Variants in MTHFD2L observed in about 807,000 individuals in gnomAD.
MTHFD2L encodes the protein bifunctional methylenetetrahydrofolate dehydrogenase/cyclohydrolase 2, mitochondrial.
In MTHFD2L, 29 loss-of-function variants were observed where a neutral mutation model predicts 34.9. That is an observed-to-expected ratio of 0.83 (90% CI 0.62 to 1.13). The LOEUF (loss-of-function observed/expected upper bound fraction) is 1.13. MTHFD2L is among the 50% of genes most tolerant of loss of function. MTHFD2L has a pLI of 0.00. For synonymous variants in MTHFD2L, 167 were observed against 155.7 expected, an observed-to-expected ratio of 1.07 and a Z score of -0.54; for missense variants, 481 against 446.5, an observed-to-expected ratio of 1.08 and a Z score of -0.70.
chr4:74,126,346 TCGG>T (rs1722070656), intron 1 of MTHFD2L, among the ~76,000 whole-genome samples: 1 of 152,096 alleles, frequency 6.6e-6, no homozygotes, highest in Non-Finnish European at 1.5e-5. Flanking sequence ...TATATACATT[TCGG>T]AAAGATTAAT....
At chr4:74,124,274 G>GT (rs990172552), upstream of MTHFD2L, among the ~76,000 whole-genome samples, 16 of 150,002 alleles carry the variant, frequency 1.1e-4, no homozygotes, top group African/African-American at 1.5e-4. Flanking sequence ...AGCATTAAAA[G>GT]TTTTTTTTTA....
chr4:74,210,992 T>C (rs144782356), intron 5 of MTHFD2L, among the ~76,000 whole-genome samples: 5,491 of 152,232 alleles, frequency 0.036, 263 homozygotes, highest in African/African-American at 0.11. Flanking sequence ...TTTTCTGTTA[T>C]TGGTGTATAG....
chr4:74,211,011 G>A (rs1184044577), intron 5 of MTHFD2L, among the ~76,000 whole-genome samples: 2 of 152,158 alleles, frequency 1.3e-5, no homozygotes, highest in South Asian at 2.1e-4. Context: ...AGGAATGCTT[G>A]TTATTTTTAC....
intron 5 of MTHFD2L, among the ~76,000 whole-genome samples, chr4:74,213,287 T>G (rs1736657260): frequency 6.6e-6 from 1 of 152,228 alleles, no homozygotes; most frequent in Admixed American, 6.5e-5. Context: ...AGTTTCTTCA[T>G]AGTTTCCATG....
At chr4:74,123,677 TTC>T (rs1721875422), upstream of MTHFD2L, among the ~76,000 whole-genome samples, 1 of 152,146 alleles carries the variant, frequency 6.6e-6, no homozygotes, top group South Asian at 2.1e-4. Flanking sequence ...TCAACATTTT[TTC>T]TGTTTTAGGT....
chr4:74,150,620 A>G (rs769944507), intron 1 of MTHFD2L, among the ~76,000 whole-genome samples: 2 of 152,214 alleles, frequency 1.3e-5, no homozygotes, highest in Non-Finnish European at 2.9e-5. Flanking sequence ...AAGCCAATGC[A>G]TATATATTAT....
At chr4:74,130,316 A>T (rs1722389199) in intron 1 of MTHFD2L, among the ~76,000 whole-genome samples, 1 of 152,186 alleles carries the variant, frequency 6.6e-6, no homozygotes, top group Non-Finnish European at 1.5e-5. Flanking sequence ...ATCCCTGATG[A>T]ACATTGATGC....
chr4:74,261,615 A>G (rs1744691188), intron 6 of MTHFD2L, among the ~76,000 whole-genome samples: 1 of 152,122 alleles, frequency 6.6e-6, no homozygotes, highest in Middle Eastern at 3.2e-3. Flanking sequence ...TTTATTCCAC[A>G]AAAGCATTAT....
intron 1 of MTHFD2L, among the ~76,000 whole-genome samples, chr4:74,166,704 C>G (rs979765616): frequency 1.3e-5 from 2 of 152,178 alleles, no homozygotes; most frequent in African/African-American, 2.4e-5. Context: ...GACCCAGGCT[C>G]TAGGCCTGCA....
chr4:74,133,422 C>T (rs1414234849), intron 1 of MTHFD2L, among the ~76,000 whole-genome samples: 31 of 152,168 alleles, frequency 2.0e-4, no homozygotes, highest in Admixed American at 2.0e-3. Context: ...TCTTGCTCAG[C>T]TCCCCCTTAA....
chr4:74,263,472 T>C (rs1744925182), intron 6 of MTHFD2L, among the ~76,000 whole-genome samples: 1 of 152,090 alleles, frequency 6.6e-6, no homozygotes, highest in East Asian at 1.9e-4. Context: ...GGAATGTTTT[T>C]CCATTTTTTT....
intron 5 of MTHFD2L, among the ~76,000 whole-genome samples, chr4:74,207,499 G>A (rs1324418570): frequency 6.6e-6 from 1 of 152,112 alleles, no homozygotes; most frequent in Non-Finnish European, 1.5e-5. Flanking sequence ...GGATACTACT[G>A]CATCCCACAG....
At chr4:74,294,358 A>C (rs1003620529) in intron 7 of MTHFD2L, among the ~76,000 whole-genome samples, 1 of 152,124 alleles carries the variant, frequency 6.6e-6, no homozygotes, top group Admixed American at 6.6e-5. Context: ...ATTCCAACAA[A>C]GTATCTTAAA....
intron 6 of MTHFD2L, among the ~76,000 whole-genome samples, chr4:74,233,885 A>C (rs1740459761): frequency 6.6e-6 from 1 of 151,950 alleles, no homozygotes; most frequent in Non-Finnish European, 1.5e-5. Flanking sequence ...TGGTATTAGT[A>C]CATGGTTAGC....
In MTHFD2L at chr4:74,245,169, C is replaced by T. The variant is rs1181112849; in HGVS notation, c.805+19775C>T. On this transcript the variant is annotated intron_variant, in intron 6 of 7. Transcript: ENST00000325278. Reference sequence around the variant, plus strand: ...GAGATCGCGCCACTGCACTTTAGCCCGGGCAACAGAGTGAGACTCAGTCTC... The same window carrying T: ...GAGATCGCGCCACTGCACTTTAGCCTGGGCAACAGAGTGAGACTCAGTCTC... 5.0e-5 allele frequency among the ~76,000 whole-genome samples: 7 copies of T among 139,012 alleles called. No homozygotes were observed. The East Asian group carries it at 1.0e-3, about 20-fold the overall frequency. The allele number at this position is 139,012 out of a possible 152,430, so 91.2% of individuals were successfully genotyped here. A position where few individuals can be genotyped will look rare whatever the true frequency, so the allele number is the denominator to read the frequency against.
chr4:74,227,872 G>A (rs1183196141), intron 6 of MTHFD2L, among the ~76,000 whole-genome samples: 1 of 152,100 alleles, frequency 6.6e-6, no homozygotes, highest in African/African-American at 2.4e-5. Context: ...GAGAGGTATT[G>A]CAATTTCATT....
chr4:74,125,968 A>G (rs957499548), intron 1 of MTHFD2L, among the ~76,000 whole-genome samples: 1 of 152,164 alleles, frequency 6.6e-6, no homozygotes, highest in South Asian at 2.1e-4. Context: ...ATACCCACCC[A>G]TATCATCTGA....
At chr4:74,211,200 C>T (rs1487880472) in intron 5 of MTHFD2L, among the ~76,000 whole-genome samples, 1 of 151,976 alleles carries the variant, frequency 6.6e-6, no homozygotes, top group Non-Finnish European at 1.5e-5. Context: ...ATTGCCCTGG[C>T]CAGAACTTGC....
intron 1 of MTHFD2L, among the ~76,000 whole-genome samples, chr4:74,169,240 G>A (rs936953023): frequency 6.6e-6 from 1 of 152,188 alleles, no homozygotes; most frequent in African/African-American, 2.4e-5. Context: ...TTAGACTTGA[G>A]TATGCACGGT....
Sources: gnomAD v4.1 joint callset for allele counts (sites outside exome capture counted in the v4.1 genomes callset) on GRCh38, gnomAD v4.1.1 for gene constraint, MANE v1.5 for transcripts, NCBI Gene and HGNC (gene_info 2026-07-23, HGNC 2026-07-21) for gene names.